The following CORO7 variants were observed in gnomAD, a reference collection of about 807,000 sequenced individuals.
The protein encoded by CORO7 is coronin-7.
CORO7 carries 107 observed loss-of-function variants against 126.6 expected under a neutral mutation model. That is an observed-to-expected ratio of 0.85 (90% CI 0.72 to 0.99). The LOEUF is 0.99. CORO7 is among the 50% of genes least tolerant of loss of function. CORO7 has a pLI of 0.00. For missense variants in CORO7, 1,314 were observed against 1,255.8 expected (o/e 1.05, Z -0.70); for synonymous variants, 603 against 536.8 (o/e 1.12, Z -1.70).
chr16:4,385,116 C>T (rs527586280), intron 9 of CORO7, among the ~76,000 whole-genome samples: 10 of 152,268 alleles, frequency 6.6e-5, no homozygotes, highest in South Asian at 4.1e-4. Flanking sequence ...CCGGGACAAG[C>T]CCCCCGACTC....
chr16:4,361,302 C>G, intron 17 of CORO7, 54 bp from the exon 18 acceptor site: 1 of 1,610,180 alleles, frequency 6.2e-7, no homozygotes. Context: ...CTCTGGGCTC[C>G]CCAGCCCCTA....
In CORO7 at chr16:4,416,584, A is replaced by G; in HGVS notation, c.-66T>C. On this transcript the variant is annotated 5_prime_UTR_variant, in exon 1 of 28. Transcript: ENST00000251166. ...GGCGTCGGGTCTCAGGTGCACGCTG[A>G]GCAACCGCGACTCCCGCTGCCTCGG... 6.5e-7 allele frequency: 1 copy of G among 1,543,972 alleles called. No individual in the cohort carries two copies. Among genetic ancestry groups the G allele is most frequent in the African/African-American group, 1.4e-5 (1 of 69,936 alleles).
chr16:4,366,535 CTTTTT>C (rs544549233), intron 9 of CORO7, among the ~76,000 whole-genome samples: 6 of 114,400 alleles, frequency 5.2e-5, no homozygotes, highest in Admixed American at 9.3e-5. Flanking sequence ...CTGATCTTTG[CTTTTT>C]TTTTTTTTTT....
At chr16:4,390,364 G>A (rs1180311363) in intron 7 of CORO7, among the ~76,000 whole-genome samples, 1 of 152,300 alleles carries the variant, frequency 6.6e-6, no homozygotes, top group East Asian at 1.9e-4. Context: ...GGAGTAAGAG[G>A]GAACACTTGT....
intron 16 of CORO7, 139 bp from the exon 17 acceptor site, chr16:4,361,608 G>T (rs1596274684): frequency 2.9e-6 from 3 of 1,050,458 alleles, no homozygotes; most frequent in Non-Finnish European, 4.2e-6. Flanking sequence ...CAAGCTCTCT[G>T]CCCTGACCAC....
intron 9 of CORO7, among the ~76,000 whole-genome samples, chr16:4,368,861 C>T (rs957993101): frequency 2.0e-5 from 3 of 152,146 alleles, no homozygotes; most frequent in Non-Finnish European, 2.9e-5. Context: ...AGGGATCACA[C>T]TGGCTGCTGG....
In CORO7 at chr16:4,358,415, C is replaced by G. The variant is rs763482741; in HGVS notation, c.2409G>C (p.Leu803=). Residue 803 remains leucine, a synonymous_variant, in exon 24 of 28, where the codon CTG becomes CTC. Coordinates refer to ENST00000251166, the MANE Select transcript of CORO7 (RefSeq NM_024535.5). ...CCACAGGCTCCAGGGAGGACTGACG[C>G]AGCCGCAGGCACCGCATCAGCTCCA... ...REVELMRCLR[L]RQSSLEPVAF... 17 of 1,612,626 alleles carry G rather than the reference C, an allele frequency of 1.1e-5. No individual in the cohort carries two copies. The East Asian group carries it at 3.8e-4, about 36-fold the overall frequency.
rs369043158 is a variant in CORO7, at chr16:4,412,380, C to T, written c.208G>A (p.Val70Met). 123 of 1,614,060 alleles carry T rather than the reference C, an allele frequency of 7.6e-5. No individual in the cohort carries two copies. Among genetic ancestry groups the T allele is most frequent in the African/African-American group, 1.2e-4 (9 of 74,906 alleles). The change falls in exon 3 of 28, where the codon GTG becomes ATG. Residue 70 changes from valine (V) to methionine (M), a missense_variant. Physicochemically the swap from Val to Met is conservative, Grantham distance 21 (BLOSUM62 1). Coordinates refer to ENST00000251166, the MANE Select transcript of CORO7 (RefSeq NM_024535.5). The stretch of plus-strand genomic sequence containing the variant: ...CCTGAATGGCAGCCCAGGTGGGCCA[C>T]GCGTCGCTTGTCCTCTCCTTGGCCT... The part of the protein sequence containing the change: ...LQGQGEDKRR[V>M]AHLGCHSDLV...
At chr16:4,381,521 T>G (rs1366598912) in intron 9 of CORO7, 1 of 1,600,818 alleles carries the variant, frequency 6.2e-7, no homozygotes, top group Non-Finnish European at 8.5e-7. Context: ...TTCAGCCGCT[T>G]GCGCAACCTC....
In CORO7 at chr16:4,408,836, G is replaced by A. The variant is rs541803609; in HGVS notation, c.233-585C>T. 2.3e-4 allele frequency among the ~76,000 whole-genome samples: 35 copies of A among 152,208 alleles called. No homozygotes were observed. In the East Asian group the frequency reaches 4.4e-3, roughly 19 times the overall value. On this transcript the variant is annotated intron_variant, in intron 3 of 27. Transcript: ENST00000251166. ...AAATTAGTTGGGTGTGGTGGCGGGC[G>A]CCTATAGTCCCAGCTACTCAGGAGG...
intron 9 of CORO7, among the ~76,000 whole-genome samples, chr16:4,378,560 C>T (rs557901754): frequency 4.6e-5 from 7 of 152,252 alleles, no homozygotes; most frequent in South Asian, 2.1e-4. Context: ...TGGAGCGGGT[C>T]CCATGGGGGA....
intron 5 of CORO7, 56 bp downstream of exon 5, chr16:4,407,445 G>A (rs139956915): frequency 4.8e-5 from 73 of 1,528,252 alleles, no homozygotes; most frequent in Non-Finnish European, 6.2e-5. Context: ...ACAAAGAAAC[G>A]GAGTGCTGTC....
chr16:4,389,308 GGGGCCCTGTCCTCCT>G (rs1190827151), intron 7 of CORO7, among the ~76,000 whole-genome samples: 1 of 152,176 alleles, frequency 6.6e-6, no homozygotes, highest in Non-Finnish European at 1.5e-5. Context: ...CATGGTGGGT[GGGGCCCTGTCCTCCT>G]GGGCCCTGGC....
At chr16:4,382,287 G>T (rs762446209) in intron 9 of CORO7, 1 of 1,609,656 alleles carries the variant, frequency 6.2e-7, no homozygotes. Context: ...GCATCGAGCC[G>T]GTGAGCCCCA....
chr16:4,373,607 T>C (rs1461619289), intron 9 of CORO7, among the ~76,000 whole-genome samples: 3 of 152,164 alleles, frequency 2.0e-5, no homozygotes, highest in Admixed American at 1.3e-4. Context: ...GCAAGGGAGA[T>C]GCCCCGGGCA....
At chr16:4,412,479 C>CA (rs1165794020) in intron 2 of CORO7, 49 bp from the exon 3 acceptor site, 1 of 1,598,694 alleles carries the variant, frequency 6.3e-7, no homozygotes, top group African/African-American at 1.3e-5. Flanking sequence ...CAGGGCCACC[C>CA]ACCTCCTTGC....
Position 4,365,075 on chromosome 16 carries a change from A to C in CORO7, c.841-15T>G, listed in dbSNP as rs2054307250. On this transcript the variant is annotated splice_polypyrimidine_tract_variant and intron_variant, in intron 10 of 27. Coordinates refer to ENST00000251166, the MANE Select transcript of CORO7 (RefSeq NM_024535.5). ...TGCCTCTCGCCCTGAAATGAGTCTG[A>C]ACTGAGCCCCGTTTGCTGACTGAAC... 6.3e-7 allele frequency: 1 copy of C among 1,590,206 alleles called. No homozygotes were observed. Among genetic ancestry groups the C allele is most frequent in the Non-Finnish European group, 8.6e-7 (1 of 1,168,378 alleles).
chr16:4,391,377 G>A (rs2141273314), intron 7 of CORO7, among the ~76,000 whole-genome samples: 1 of 152,292 alleles, frequency 6.6e-6, no homozygotes, highest in East Asian at 1.9e-4. Context: ...CCAACATGGT[G>A]AAACCCCATC....
intron 6 of CORO7, among the ~76,000 whole-genome samples, chr16:4,395,594 C>T (rs996347137): frequency 6.6e-5 from 10 of 152,212 alleles, no homozygotes; most frequent in African/African-American, 2.2e-4. Flanking sequence ...GAGTGTTCAG[C>T]TTCCTGAGAC....
Sources: gnomAD v4.1 joint callset for allele counts (sites outside exome capture counted in the v4.1 genomes callset) on GRCh38, gnomAD v4.1.1 for gene constraint, MANE v1.5 for transcripts, NCBI Gene and HGNC (gene_info 2026-07-23, HGNC 2026-07-21) for gene names.